CDC42BPA: variants seen among roughly 807,000 people sequenced by gnomAD.
The protein encoded by CDC42BPA is serine/threonine-protein kinase MRCK alpha.
A neutral mutation model predicts 223.5 loss-of-function variants in CDC42BPA; 80 were observed. The ratio of observed to expected loss-of-function variants is 0.36; its 90% CI spans 0.30 to 0.43. CDC42BPA has a LOEUF of 0.43. Ranked by LOEUF, CDC42BPA falls within the 20% of genes least tolerant of loss-of-function variation. The probability of loss-of-function intolerance (pLI) is 1.00; values close to 1 mark genes in which losing one functional copy is unlikely to be tolerated. For synonymous variants in CDC42BPA, 694 were observed against 718.6 expected, an observed-to-expected ratio of 0.97 and a Z score of 0.55; for missense variants, 1,743 against 2,099.9, an observed-to-expected ratio of 0.83 and a Z score of 3.32.
chr1:227,079,542 T>C (rs1680199288), intron 17 of CDC42BPA, among the ~76,000 whole-genome samples: 1 of 152,158 alleles, frequency 6.6e-6, no homozygotes, highest in South Asian at 2.1e-4. Flanking sequence ...TAATTTTTGA[T>C]ATTATAAACT....
intron 21 of CDC42BPA, chr1:227,059,441 T>A: frequency 6.5e-7 from 1 of 1,528,376 alleles, no homozygotes; most frequent in South Asian, 1.2e-5. Context: ...ATAGGACATG[T>A]TACAAATATT....
Position 227,257,627 on chromosome 1 carries a change from G to A in CDC42BPA, c.179-3472C>T, listed in dbSNP as rs190178238. Among the ~76,000 whole-genome samples the A allele has an allele frequency of 4.0e-4, 61 of 150,680 alleles. No individual in the cohort carries two copies. In the East Asian group the frequency reaches 0.011, roughly 27 times the overall value. On this transcript the variant is annotated intron_variant, in intron 1 of 36. Transcript: ENST00000366766. Reference sequence around the variant, plus strand: ...TAAATGGGCATGGTAGTAAATGGGCGCCTGTAATCCCAGCTACTTGGGAGG... The same window carrying A: ...TAAATGGGCATGGTAGTAAATGGGCACCTGTAATCCCAGCTACTTGGGAGG...
At chr1:227,235,771 C>A (rs1678900506) in intron 2 of CDC42BPA, among the ~76,000 whole-genome samples, 1 of 152,196 alleles carries the variant, frequency 6.6e-6, no homozygotes, top group Non-Finnish European at 1.5e-5. Context: ...CTCCAACCAA[C>A]CTCCCAACCA....
intron 3 of CDC42BPA, among the ~76,000 whole-genome samples, chr1:227,207,367 CTTTT>C (rs1275751280): frequency 4.3e-5 from 4 of 93,816 alleles, no homozygotes; most frequent in Non-Finnish European, 9.3e-5. Context: ...TTTTCTTTTT[CTTTT>C]TTTTTTATTA....
At chr1:227,056,599 C>T (rs1674617929) in intron 21 of CDC42BPA, among the ~76,000 whole-genome samples, 2 of 152,016 alleles carry the variant, frequency 1.3e-5, no homozygotes. Flanking sequence ...CCTATGTTGC[C>T]CAGGATGGTC....
intron 21 of CDC42BPA, among the ~76,000 whole-genome samples, chr1:227,063,188 T>C (rs909933310): frequency 6.6e-6 from 1 of 152,146 alleles, no homozygotes; most frequent in Non-Finnish European, 1.5e-5. Context: ...CTCTCTCATA[T>C]ATACCTACAC....
At chr1:227,125,857 C>T (rs1428016309) in intron 11 of CDC42BPA, among the ~76,000 whole-genome samples, 1 of 151,948 alleles carries the variant, frequency 6.6e-6, no homozygotes, top group Non-Finnish European at 1.5e-5. Context: ...ACTGTATTTA[C>T]AAATTTACAG....
At chr1:227,121,850 G>C (rs1420114395) in intron 11 of CDC42BPA, among the ~76,000 whole-genome samples, 1 of 149,398 alleles carries the variant, frequency 6.7e-6, no homozygotes, top group East Asian at 2.0e-4. Context: ...ACCCAGGCTG[G>C]AGAGCTATGG....
chr1:227,040,091 T>C (rs1671071031), intron 24 of CDC42BPA, 40 bp downstream of exon 24: 2 of 1,148,690 alleles, frequency 1.7e-6, no homozygotes, highest in Non-Finnish European at 2.6e-6. Flanking sequence ...GATTACAATT[T>C]AGATAGTGAA....
chr1:227,273,245 T>C (rs536674667), intron 1 of CDC42BPA, among the ~76,000 whole-genome samples: 5 of 149,020 alleles, frequency 3.4e-5, no homozygotes, highest in Non-Finnish European at 7.4e-5. Context: ...TTGCAGTGAG[T>C]CGAGATTGCA....
chr1:227,290,309 C>T (rs1446929685), intron 1 of CDC42BPA, among the ~76,000 whole-genome samples: 1 of 152,106 alleles, frequency 6.6e-6, no homozygotes, highest in Non-Finnish European at 1.5e-5. Context: ...CTTTCTACTC[C>T]CCACACCAAA....
At position 227,317,365 on chromosome 1, in the gene CDC42BPA, C is replaced by A. The variant is rs1447864693; in HGVS notation, c.-183G>T. 5.4e-6 allele frequency: 3 copies of A among 556,516 alleles called. No homozygotes were observed. Among genetic ancestry groups the A allele is most frequent in the Non-Finnish European group, 9.2e-6 (3 of 324,754 alleles). The allele number at this position is 556,516 out of a possible 1,614,324, so 34.5% of individuals were successfully genotyped here. On this transcript the variant is annotated 5_prime_UTR_variant, in exon 1 of 37. Transcript: ENST00000366766. ...CAGTAACCTCACTTAACTGAAGCGT[C>A]TTCAATTTCACCCATATACATATAT... is the stretch of plus-strand genomic sequence containing the variant.
intron 2 of CDC42BPA, among the ~76,000 whole-genome samples, chr1:227,240,401 T>C (rs1166687597): frequency 3.3e-5 from 5 of 152,094 alleles, no homozygotes; most frequent in Non-Finnish European, 5.9e-5. Context: ...TAGGCTTTTA[T>C]AAAAATTGAT....
intron 8 of CDC42BPA, among the ~76,000 whole-genome samples, chr1:227,143,249 A>AC (rs1660027205): frequency 6.6e-6 from 1 of 152,234 alleles, no homozygotes; most frequent in African/African-American, 2.4e-5. Flanking sequence ...AAAGTCTGAT[A>AC]TTGAGAATAC....
intron 1 of CDC42BPA, 143 bp downstream of exon 1, chr1:227,316,862 C>CG: frequency 1.5e-6 from 1 of 651,666 alleles, no homozygotes; most frequent in Non-Finnish European, 2.5e-6. Context: ...CAAAAACTAG[C>CG]GGAAAATCTT....
At chr1:227,289,132 C>T (rs1209383204) in intron 1 of CDC42BPA, among the ~76,000 whole-genome samples, 1 of 152,190 alleles carries the variant, frequency 6.6e-6, no homozygotes, top group East Asian at 1.9e-4. Flanking sequence ...TCCTAACTGG[C>T]ATGATTTTAT....
Position 227,294,929 on chromosome 1 carries a change from G to GA in CDC42BPA, c.178+22075dup, listed in dbSNP as rs1032963989. ...ACTAGATCACTTTATCACATTAAGT[G>GA]AAAAAAAAAAGCAAGGTATAAAAAT... On this transcript the variant is annotated intron_variant, in intron 1 of 36. Coordinates refer to ENST00000366766, the MANE Select transcript of CDC42BPA (RefSeq NM_001394014.1). Among the ~76,000 whole-genome samples, 719 of 127,392 alleles carry GA rather than the reference G, an allele frequency of 5.6e-3. 8 individuals are homozygous for GA. Among genetic ancestry groups the GA allele is most frequent in the African/African-American group, 0.018 (627 of 34,742 alleles). The allele number at this position is 127,392 out of a possible 152,430, so 83.6% of individuals were successfully genotyped here.
intron 4 of CDC42BPA, among the ~76,000 whole-genome samples, chr1:227,195,386 G>A (rs1398148649): frequency 6.6e-6 from 1 of 152,112 alleles, no homozygotes; most frequent in Admixed American, 6.5e-5. Context: ...TAGAGACGGG[G>A]TTTCACCACG....
In CDC42BPA at chr1:227,016,210, G is replaced by T. The variant is rs756737059; in HGVS notation, c.4740-13C>A. 2.2e-6 allele frequency: 3 copies of T among 1,354,450 alleles called. No homozygotes were observed. The highest frequency in any genetic ancestry group is 2.3e-5 in the East Asian group (1 of 43,656). 83.9% of individuals were successfully genotyped at this position (1,354,450 alleles called of 1,614,324 possible). A position where few individuals can be genotyped will look rare whatever the true frequency, so the allele number is the denominator to read the frequency against. ...TCGTAGCATTTCCCTGTAAGACAAG[G>T]CATCTGTTTAGATACTTTTTCCACA... is the stretch of plus-strand genomic sequence containing the variant. On this transcript the variant is annotated splice_polypyrimidine_tract_variant and intron_variant, in intron 33 of 36. Transcript: ENST00000366766.
Sources: gnomAD v4.1 joint callset for allele counts (sites outside exome capture counted in the v4.1 genomes callset) on GRCh38, gnomAD v4.1.1 for gene constraint, MANE v1.5 for transcripts, NCBI Gene and HGNC (gene_info 2026-07-23, HGNC 2026-07-21) for gene names.